STIM1: variants seen among roughly 807,000 people sequenced by gnomAD.
The protein encoded by STIM1 is stromal interaction molecule 1.
Under a neutral mutation model 74.7 loss-of-function variants are expected in STIM1, and 25 were observed. The observed-to-expected ratio is 0.33, with a 90% CI of 0.24 to 0.47. The LOEUF is 0.47. Among genes scored for constraint, STIM1 ranks in the 20% least tolerant of loss-of-function variants. The pLI, the probability that STIM1 is intolerant of heterozygous loss-of-function variation, is 1.00. For missense variants in STIM1, 728 were observed against 920.8 expected (o/e 0.79, Z 2.71); for synonymous variants, 328 against 348.8 (o/e 0.94, Z 0.66).
chr11:4,078,569 C>CTT (rs769040845), intron 7 of STIM1, among the ~76,000 whole-genome samples: 9 of 141,968 alleles, frequency 6.3e-5, no homozygotes, highest in East Asian at 2.0e-4. Context: ...TAGGACTCTA[C>CTT]TTTTTTTTTT....
At chr11:4,015,682 A>G (rs1197532958) in intron 2 of STIM1, among the ~76,000 whole-genome samples, 1 of 152,234 alleles carries the variant, frequency 6.6e-6, no homozygotes, top group African/African-American at 2.4e-5. Flanking sequence ...CAGGTACACC[A>G]ATCAGACGTA....
intron 1 of STIM1, among the ~76,000 whole-genome samples, chr11:3,937,856 G>A (rs187610214): frequency 1.3e-5 from 2 of 152,006 alleles, no homozygotes; most frequent in African/African-American, 2.4e-5. Flanking sequence ...CATCCCTTCA[G>A]CATGAGCTCT....
chr11:3,988,680 T>C (rs1009907693), intron 2 of STIM1, among the ~76,000 whole-genome samples: 4 of 152,164 alleles, frequency 2.6e-5, no homozygotes, highest in African/African-American at 4.8e-5. Flanking sequence ...CAACCAAAGA[T>C]GTTACAGAGT....
chr11:3,902,725 G>T (rs2092381451), intron 1 of STIM1, among the ~76,000 whole-genome samples: 1 of 152,186 alleles, frequency 6.6e-6, no homozygotes, highest in Admixed American at 6.5e-5. Flanking sequence ...GGAATAGAAT[G>T]CTCAGGAGAA....
At chr11:4,029,272 T>C (rs1054621303) in intron 3 of STIM1, among the ~76,000 whole-genome samples, 4 of 152,138 alleles carry the variant, frequency 2.6e-5, no homozygotes, top group African/African-American at 2.4e-5. Context: ...TCTGTGCTAC[T>C]CTTTGGACGA....
At chr11:3,895,647 TTTCTTTCTTTCTTTCTTTCTTTCTTTCC>T in intron 1 of STIM1, among the ~76,000 whole-genome samples, 1 of 9,978 alleles carries the variant, frequency 1.0e-4, no homozygotes, top group African/African-American at 2.6e-4. Context: ...TCTTTCTTTC[TTTCTTTCTTTCTTTCTTTCTTTCTTTCC>T]TTCCTTCCTT....
At chr11:3,892,781 A>C in intron 1 of STIM1, 1 of 1,613,278 alleles carries the variant, frequency 6.2e-7, no homozygotes, top group South Asian at 1.1e-5. Flanking sequence ...CAGAGCACGA[A>C]AGTTTTCTGC....
At chr11:3,862,795 T>C (rs1350201482) in intron 1 of STIM1, among the ~76,000 whole-genome samples, 4 of 151,760 alleles carry the variant, frequency 2.6e-5, no homozygotes, top group Non-Finnish European at 5.9e-5. Flanking sequence ...TCAACTGAGG[T>C]CTGGGGGTAA....
intron 1 of STIM1, among the ~76,000 whole-genome samples, chr11:3,889,338 T>C (rs1197097572): frequency 1.3e-5 from 2 of 151,614 alleles, no homozygotes; most frequent in Non-Finnish European, 2.9e-5. Flanking sequence ...ATGTGCCAAG[T>C]ACTGTGTTAA....
At chr11:4,085,725 C>A (rs1590699385) in intron 11 of STIM1, among the ~76,000 whole-genome samples, 1 of 152,182 alleles carries the variant, frequency 6.6e-6, no homozygotes, top group Non-Finnish European at 1.5e-5. Flanking sequence ...TCAGAAGAAC[C>A]CTGCAGGATT....
chr11:4,086,421 C>T, intron 11 of STIM1, 56 bp from the exon 12 acceptor site: 1 of 1,599,784 alleles, frequency 6.3e-7, no homozygotes, highest in Non-Finnish European at 8.5e-7. Context: ...CACCTCCTTA[C>T]CTGCCAGCCC....
chr11:3,996,272 G>A (rs2093662444), intron 2 of STIM1, among the ~76,000 whole-genome samples: 1 of 152,156 alleles, frequency 6.6e-6, no homozygotes, highest in South Asian at 2.1e-4. Context: ...ACTTGGTGGA[G>A]GGGTGGCAGT....
At position 3,987,099 on chromosome 11, in the gene STIM1, T is replaced by C. The variant is rs562762114; in HGVS notation, c.270+19417T>C. 2.6e-3 allele frequency among the ~76,000 whole-genome samples: 399 copies of C among 151,846 alleles called. 6 individuals are homozygous for C. Among genetic ancestry groups the C allele is most frequent in the African/African-American group, 9.1e-3 (378 of 41,400 alleles). On this transcript the variant is annotated intron_variant, in intron 2 of 12. Transcript: ENST00000526596. ...TCCCTTGACAAGGGGGCTCATATTC[T>C]TTATTCTTGTTTATCCTCAGACACT... is the stretch of plus-strand genomic sequence containing the variant.
intron 3 of STIM1, among the ~76,000 whole-genome samples, chr11:4,049,081 A>G (rs1397925521): frequency 6.6e-6 from 1 of 152,224 alleles, no homozygotes; most frequent in Non-Finnish European, 1.5e-5. Context: ...CATTAAAAAC[A>G]TCACATTATA....
rs1411205563 is a variant in STIM1 at position 4,092,982 on chromosome 11, C to T, written c.*1184C>T. On this transcript the variant is annotated 3_prime_UTR_variant, in exon 13 of 13. Coordinates refer to ENST00000526596, the MANE Select transcript of STIM1 (RefSeq NM_001382567.1). ...CCCTCTAGACAACTCTCTCCCTTACCTGTTTTTGCTATGGCTGTAAAGGTA... is the reference window on the plus strand; with the variant it reads ...CCCTCTAGACAACTCTCTCCCTTACTTGTTTTTGCTATGGCTGTAAAGGTA... 6.7e-6 allele frequency: 1 copy of T among 149,104 alleles called. No individual in the cohort carries two copies. Among genetic ancestry groups the T allele is most frequent in the African/African-American group, 2.5e-5 (1 of 40,756 alleles). 9.2% of individuals were successfully genotyped at this position (149,104 alleles called of 1,614,324 possible). A position where few individuals can be genotyped will look rare whatever the true frequency, so the allele number is the denominator to read the frequency against.
intron 3 of STIM1, among the ~76,000 whole-genome samples, chr11:4,052,499 A>T (rs1165284050): frequency 6.6e-6 from 1 of 152,206 alleles, no homozygotes; most frequent in Non-Finnish European, 1.5e-5. Context: ...AGGATTCCCT[A>T]TTTAATAAAT....
intron 1 of STIM1, among the ~76,000 whole-genome samples, chr11:3,904,580 G>A (rs1292407369): frequency 6.6e-6 from 1 of 152,160 alleles, no homozygotes; most frequent in East Asian, 1.9e-4. Context: ...CCTCTTATAT[G>A]CCTGTGCTTA....
chr11:3,960,865 G>A (rs2093277820), intron 1 of STIM1, among the ~76,000 whole-genome samples: 2 of 151,590 alleles, frequency 1.3e-5, no homozygotes, highest in African/African-American at 4.9e-5. Context: ...TACCCTTCTC[G>A]AGATTTTTTC....
intron 2 of STIM1, among the ~76,000 whole-genome samples, chr11:4,002,765 CA>C (rs1420968001): frequency 6.7e-6 from 1 of 148,840 alleles, no homozygotes; most frequent in African/African-American, 2.5e-5. Context: ...AATAGAGACA[CA>C]AAAAACCCTT....
Sources: gnomAD v4.1 joint callset for allele counts (sites outside exome capture counted in the v4.1 genomes callset) on GRCh38, gnomAD v4.1.1 for gene constraint, MANE v1.5 for transcripts, NCBI Gene and HGNC (gene_info 2026-07-23, HGNC 2026-07-21) for gene names.